The following GABRG3 variants were observed in gnomAD, a reference collection of about 807,000 sequenced individuals.
The protein encoded by GABRG3 is gamma-aminobutyric acid receptor subunit gamma-3.
A neutral mutation model predicts 48.8 loss-of-function variants in GABRG3; 25 were observed. That is an observed-to-expected ratio of 0.51 (90% confidence interval 0.37 to 0.72). GABRG3 has a LOEUF of 0.72. GABRG3 is among the 30% of genes least tolerant of loss of function. The probability of loss-of-function intolerance (pLI) is 0.00; values close to 1 mark genes in which losing one functional copy is unlikely to be tolerated. For synonymous variants in GABRG3, 227 were observed against 217.6 expected, an observed-to-expected ratio of 1.04 and a Z score of -0.38; for missense variants, 394 against 577.9, an observed-to-expected ratio of 0.68 and a Z score of 3.26.
intron 5 of GABRG3, among the ~76,000 whole-genome samples, chr15:27,367,648 A>G (rs974830006): frequency 6.6e-6 from 1 of 152,214 alleles, no homozygotes; most frequent in African/African-American, 2.4e-5. Flanking sequence ...CAAAGGGAGT[A>G]TCTGTACATA....
intron 4 of GABRG3, among the ~76,000 whole-genome samples, chr15:27,327,670 C>T (rs1893661989): frequency 6.6e-6 from 1 of 152,108 alleles, no homozygotes; most frequent in African/African-American, 2.4e-5. Flanking sequence ...ACTGGATGGT[C>T]CCTCCAGCAG....
At chr15:27,480,614 T>C (rs1477360793) in intron 5 of GABRG3, 36 bp from the exon 6 acceptor site, 13 of 1,521,710 alleles carry the variant, frequency 8.5e-6, no homozygotes, top group African/African-American at 1.4e-5. Flanking sequence ...TATAAATGTG[T>C]ACCTTCAAGT....
At chr15:27,022,592 A>G (rs957603229) in intron 2 of GABRG3, among the ~76,000 whole-genome samples, 1 of 152,196 alleles carries the variant, frequency 6.6e-6, no homozygotes, top group Admixed American at 6.5e-5. Flanking sequence ...AATACAATTT[A>G]TTTCCTTTTG....
At chr15:27,035,443 A>T (rs1208292698) in intron 3 of GABRG3, among the ~76,000 whole-genome samples, 3 of 152,120 alleles carry the variant, frequency 2.0e-5, no homozygotes. Context: ...TTCATCTTGA[A>T]CTTTTGCACT....
intron 3 of GABRG3, among the ~76,000 whole-genome samples, chr15:27,220,457 G>C (rs1387453632): frequency 6.6e-6 from 1 of 152,126 alleles, no homozygotes; most frequent in Non-Finnish European, 1.5e-5. Context: ...GGCCAGATTA[G>C]CAAGAGTGAT....
At chr15:27,488,365 C>T (rs552875826) in intron 6 of GABRG3, among the ~76,000 whole-genome samples, 2 of 152,206 alleles carry the variant, frequency 1.3e-5, no homozygotes, top group Non-Finnish European at 2.9e-5. Flanking sequence ...ACTTGGAAAA[C>T]GGAGGTTGAG....
intron 5 of GABRG3, among the ~76,000 whole-genome samples, chr15:27,381,296 A>G (rs1319965519): frequency 6.6e-6 from 1 of 152,194 alleles, no homozygotes; most frequent in African/African-American, 2.4e-5. Context: ...TAAGAACAGA[A>G]TGCTCTCGGC....
chr15:27,390,512 C>G (rs1448575282), intron 5 of GABRG3, among the ~76,000 whole-genome samples: 1 of 152,122 alleles, frequency 6.6e-6, no homozygotes, highest in African/African-American at 2.4e-5. Flanking sequence ...ACCTATAATG[C>G]CCAGCAATAG....
intron 5 of GABRG3, among the ~76,000 whole-genome samples, chr15:27,446,176 C>G (rs1595759637): frequency 6.6e-6 from 1 of 152,172 alleles, no homozygotes; most frequent in South Asian, 2.1e-4. Flanking sequence ...CATGTCTACA[C>G]AAGAGTCAGC....
intron 2 of GABRG3, 40 bp from the exon 3 acceptor site, chr15:27,026,714 C>G (rs1472660836): frequency 7.3e-6 from 11 of 1,498,070 alleles, no homozygotes; most frequent in Non-Finnish European, 1.0e-5. Flanking sequence ...CTGTCTTTCT[C>G]CGGCACGAAG....
intron 3 of GABRG3, among the ~76,000 whole-genome samples, chr15:27,299,074 AG>A (rs1892105492): frequency 1.3e-5 from 2 of 152,194 alleles, no homozygotes; most frequent in South Asian, 4.1e-4. Context: ...ACCTGAGGTC[AG>A]GGGTTCGAGA....
Position 27,307,231 on chromosome 15 carries a change from A to T in GABRG3, c.271-19578A>T, listed in dbSNP as rs557012368. On this transcript the variant is annotated intron_variant, in intron 3 of 9. Transcript: ENST00000615808. ...CATGTTTATATATAACCATGTTTAT[A>T]TTATATGTTTATATATAACCATGTT... Among the ~76,000 whole-genome samples the T allele has an allele frequency of 2.3e-4, 29 of 124,494 alleles. No homozygotes were observed. In the South Asian group the frequency reaches 6.2e-3, roughly 27 times the overall value. 81.7% of individuals were successfully genotyped at this position (124,494 alleles called of 152,430 possible). A position where few individuals can be genotyped will look rare whatever the true frequency, so the allele number is the denominator to read the frequency against.
rs559340373 is a variant in GABRG3 at position 27,197,206 on chromosome 15, G to A, written c.271-129603G>A. Among the ~76,000 whole-genome samples the A allele has an allele frequency of 3.4e-4, 52 of 152,090 alleles. 1 individual carries two copies. Among genetic ancestry groups the A allele is most frequent in the Admixed American group, 7.9e-4 (12 of 15,270 alleles). On this transcript the variant is annotated intron_variant, in intron 3 of 9. Coordinates refer to ENST00000615808, the MANE Select transcript of GABRG3 (RefSeq NM_033223.5). Reference sequence around the variant, plus strand: ...TTCCTGATACTTTGGACTTATGATGGATTTATCGGGACATATCTGCATCAG... The same window carrying A: ...TTCCTGATACTTTGGACTTATGATGAATTTATCGGGACATATCTGCATCAG...
chr15:27,396,862 A>G lies in GABRG3; in HGVS notation c.574+67974A>G, dbSNP rs1887314757. ...AAAATGAAGGAAGACCAAAAACTAC[A>G]TATTGTATGATTTTATTTACATTCC... is the stretch of plus-strand genomic sequence containing the variant. On this transcript the variant is annotated intron_variant, in intron 5 of 9. Transcript: ENST00000615808. Among the ~76,000 whole-genome samples the G allele has an allele frequency of 2.0e-5, 3 of 152,186 alleles. No individual in the cohort carries two copies. In the South Asian group the frequency reaches 6.2e-4, roughly 32 times the overall value.
At chr15:27,001,253 T>C (rs1452139294) in intron 2 of GABRG3, among the ~76,000 whole-genome samples, 1 of 152,266 alleles carries the variant, frequency 6.6e-6, no homozygotes, top group African/African-American at 2.4e-5. Flanking sequence ...CAGTTCCAGT[T>C]ACTTCACCTT....
At chr15:27,306,362 CAT>C (rs199594366) in intron 3 of GABRG3, among the ~76,000 whole-genome samples, 65,194 of 135,846 alleles carry the variant, frequency 0.48, 17,927 homozygotes, top group Non-Finnish European at 0.61. Context: ...TACATATAAA[CAT>C]ATATATAATA....
At chr15:27,065,558 G>T (rs1461365254) in intron 3 of GABRG3, among the ~76,000 whole-genome samples, 2 of 152,170 alleles carry the variant, frequency 1.3e-5, no homozygotes, top group Non-Finnish European at 2.9e-5. Flanking sequence ...CCCTGGGTTT[G>T]GACCAGAACA....
intron 3 of GABRG3, among the ~76,000 whole-genome samples, chr15:27,324,804 C>G (rs1214645325): frequency 6.6e-6 from 1 of 152,234 alleles, no homozygotes; most frequent in East Asian, 1.9e-4. Context: ...GCACCTCTCC[C>G]TCTCCAGGGC....
At chr15:27,196,221 C>T (rs1888492242) in intron 3 of GABRG3, among the ~76,000 whole-genome samples, 1 of 152,116 alleles carries the variant, frequency 6.6e-6, no homozygotes, top group African/African-American at 2.4e-5. Flanking sequence ...GTCTGATTTC[C>T]TCTTCTTATA....
Sources: allele counts gnomAD v4.1 joint callset (sites outside exome capture counted in the v4.1 genomes callset), GRCh38; gene constraint gnomAD v4.1.1; transcripts MANE v1.5; gene names NCBI Gene and HGNC (gene_info 2026-07-23, HGNC 2026-07-21).